The following DNAJC18 variants were observed in gnomAD, a reference collection of about 807,000 sequenced individuals.
DNAJC18 encodes dnaJ homolog subfamily C member 18.
A neutral mutation model predicts 48.6 loss-of-function variants in DNAJC18; 40 were observed. That is an observed-to-expected ratio of 0.82 (90% CI 0.64 to 1.07). DNAJC18 has a LOEUF of 1.07. Ranked by LOEUF, DNAJC18 falls within the 50% of genes least tolerant of loss-of-function variation. The pLI is 0.00. For missense variants in DNAJC18, 340 were observed against 427.7 expected (o/e 0.79, Z 1.81); for synonymous variants, 135 against 152.2 (o/e 0.89, Z 0.83).
At chr5:139,416,337 C>A (rs997243655) in intron 7 of DNAJC18, among the ~76,000 whole-genome samples, 1 of 152,144 alleles carries the variant, frequency 6.6e-6, no homozygotes, top group Non-Finnish European at 1.5e-5. Flanking sequence ...GAGCATTGAG[C>A]CTTAAAGATA....
intron 2 of DNAJC18, among the ~76,000 whole-genome samples, 184 bp from the exon 3 acceptor site, chr5:139,428,867 C>G (rs80333428): frequency 6.6e-6 from 1 of 152,034 alleles, no homozygotes; most frequent in Non-Finnish European, 1.5e-5. Context: ...GAACTTAATG[C>G]CTTTCAAAGT....
chr5:139,439,482 C>G lies in DNAJC18; in HGVS notation c.-37G>C, dbSNP rs370514481. The G allele has an allele frequency of 5.6e-6, 9 of 1,613,604 alleles. No individual in the cohort carries two copies. The East Asian group carries it at 8.9e-5, about 16-fold the overall frequency. ...ATCAGCAGGTCCGCCGAGCCTCCCC[C>G]GTGCCCGAGGCTGAAAGAGAAGGGG... On this transcript the variant is annotated 5_prime_UTR_variant, in exon 1 of 8. Coordinates refer to ENST00000302060, the MANE Select transcript of DNAJC18 (RefSeq NM_152686.4). The surrounding 1 kb of genome is among the most constrained non-coding windows in gnomAD (Gnocchi z 4.1).
At chr5:139,419,985 A>G (rs1759125965) in intron 7 of DNAJC18, 68 bp downstream of exon 7, 5 of 1,435,550 alleles carry the variant, frequency 3.5e-6, no homozygotes, top group Non-Finnish European at 4.6e-6. Context: ...AGGAGGGATC[A>G]GGAGGCTGGG....
chr5:139,430,445 T>A (rs756858609), intron 2 of DNAJC18, among the ~76,000 whole-genome samples: 1 of 152,226 alleles, frequency 6.6e-6, no homozygotes, highest in African/African-American at 2.4e-5. Flanking sequence ...GTACTTAACC[T>A]CTATAGCTTG....
At position 139,411,755 on chromosome 5, in the gene DNAJC18, A is replaced by G. The variant is rs575738406; in HGVS notation, c.*2393T>C. On this transcript the variant is annotated 3_prime_UTR_variant, in exon 8 of 8. Transcript: ENST00000302060. ...TTAGTTATTATTGCTTCTATTTAGT[A>G]TCATCACAGATTACTTATCGCTGCC... The G allele has an allele frequency of 1.3e-5, 2 of 152,312 alleles. No homozygotes were observed. Among genetic ancestry groups the G allele is most frequent in the South Asian group, 4.1e-4 (2 of 4,826 alleles). The allele number at this position is 152,312 out of a possible 1,614,324, so 9.4% of individuals were successfully genotyped here.
Position 139,412,749 on chromosome 5 carries a change from G to A in DNAJC18, c.*1399C>T, listed in dbSNP as rs1759011983. 2 of 398,674 alleles carry A rather than the reference G, an allele frequency of 5.0e-6. No individual in the cohort carries two copies. Among genetic ancestry groups the A allele is most frequent in the East Asian group, 3.6e-5 (1 of 28,080 alleles). The allele number at this position is 398,674 out of a possible 1,614,324, so 24.7% of individuals were successfully genotyped here. A position where few individuals can be genotyped will look rare whatever the true frequency, so the allele number is the denominator to read the frequency against. Reference sequence around the variant, plus strand: ...GTCACCAGTGGAGGGCTGCCTGCCTGTGAGGGACCTCTTATTTTGTGTACA... The same window carrying A: ...GTCACCAGTGGAGGGCTGCCTGCCTATGAGGGACCTCTTATTTTGTGTACA... On this transcript the variant is annotated 3_prime_UTR_variant, in exon 8 of 8. Transcript: ENST00000302060.
At chr5:139,424,955 G>T in intron 5 of DNAJC18, 50 bp downstream of exon 5, 1 of 1,480,206 alleles carries the variant, frequency 6.8e-7, no homozygotes, top group Non-Finnish European at 9.4e-7. Context: ...CATCAAGGTT[G>T]GCCAAGTACA....
chr5:139,430,104 C>T (rs1025341750), intron 2 of DNAJC18, among the ~76,000 whole-genome samples: 8 of 151,712 alleles, frequency 5.3e-5, no homozygotes, highest in Admixed American at 1.3e-4. Flanking sequence ...GTACAGGAAG[C>T]GAAAAAAAAT....
At chr5:139,429,228 G>A (rs752370690) in intron 2 of DNAJC18, among the ~76,000 whole-genome samples, 1 of 151,688 alleles carries the variant, frequency 6.6e-6, no homozygotes, top group Non-Finnish European at 1.5e-5. Flanking sequence ...AGATTACAGG[G>A]ATGCGCCACC....
At position 139,414,149 on chromosome 5, in the gene DNAJC18, C is replaced by T. The variant is rs779332643; in HGVS notation, c.1076G>A (p.Ter359=). ...SKLIGLRRGG[*] is the part of the protein sequence containing the mutation. ...GCCCTGCGTAGGACCATTATCCTCT[C>T]AGCCACCTCTGCGTAGGCCAATGAG... The change falls in exon 8 of 8, where the codon TGA becomes TAA. Residue 359 remains the stop codon, a stop_retained_variant. Transcript: ENST00000302060. 13 of 1,613,198 alleles carry T rather than the reference C, an allele frequency of 8.1e-6. No individual in the cohort carries two copies. In the South Asian group the frequency reaches 1.3e-4, roughly 16 times the overall value.
Position 139,412,793 on chromosome 5 carries a change from G to T in DNAJC18, c.*1355C>A, listed in dbSNP as rs557178996. On this transcript the variant is annotated 3_prime_UTR_variant, in exon 8 of 8. Coordinates refer to ENST00000302060, the MANE Select transcript of DNAJC18 (RefSeq NM_152686.4). ...GTGTACAGAATTTATGTTAGACAGG[G>T]TCCTGCTTCCTAAAGAGCAGCAGGG... 7.5e-6 allele frequency: 3 copies of T among 398,538 alleles called. No homozygotes were observed. Among genetic ancestry groups the T allele is most frequent in the Non-Finnish European group, 1.3e-5 (3 of 226,108 alleles). 24.7% of individuals were successfully genotyped at this position (398,538 alleles called of 1,614,324 possible).
intron 7 of DNAJC18, chr5:139,418,813 A>G (rs1413974954): frequency 4.4e-6 from 2 of 456,180 alleles, no homozygotes; most frequent in Admixed American, 4.7e-5. Flanking sequence ...CTTGTTCTGA[A>G]GCAAGGACTG....
rs1758989375 is a variant in DNAJC18, at chr5:139,411,243, C to G, written c.*2905G>C. The G allele has an allele frequency of 6.6e-6, 1 of 152,218 alleles. No individual in the cohort carries two copies. The highest frequency in any genetic ancestry group is 1.5e-5 in the Non-Finnish European group (1 of 68,038). The allele number at this position is 152,218 out of a possible 1,614,324, so 9.4% of individuals were successfully genotyped here. A position where few individuals can be genotyped will look rare whatever the true frequency, so the allele number is the denominator to read the frequency against. On this transcript the variant is annotated 3_prime_UTR_variant, in exon 8 of 8. Coordinates refer to ENST00000302060, the MANE Select transcript of DNAJC18 (RefSeq NM_152686.4). ...CTGGGGACGTGGGTTCCTTCAAGCT[C>G]TTTGTGATGAGAAGGATTTTCATCC...
intron 6 of DNAJC18, 23 bp downstream of exon 6, chr5:139,422,685 A>AGATTTAGAAATACCAGACTTAC (rs747502195): frequency 4.1e-5 from 63 of 1,540,250 alleles, no homozygotes; most frequent in Non-Finnish European, 5.5e-5. Context: ...TTACTGAGAA[A>AGATTTAGAAATACCAGACTTAC]GATTTAGAAA....
intron 4 of DNAJC18, 53 bp from the exon 5 acceptor site, chr5:139,425,167 T>C: frequency 2.0e-6 from 3 of 1,512,242 alleles, no homozygotes; most frequent in Non-Finnish European, 2.7e-6. Context: ...TCCCTGCCTT[T>C]TTCTTTTTTT....
intron 2 of DNAJC18, 142 bp from the exon 3 acceptor site, chr5:139,428,825 C>A: frequency 9.7e-7 from 1 of 1,027,034 alleles, no homozygotes; most frequent in Non-Finnish European, 1.4e-6. Context: ...ATGAAACATT[C>A]AAATTCATTA....
chr5:139,423,948 A>G (rs902824880), intron 5 of DNAJC18, among the ~76,000 whole-genome samples: 1 of 152,144 alleles, frequency 6.6e-6, no homozygotes, highest in African/African-American at 2.4e-5. Context: ...TCTCTAGGTA[A>G]ACCTGCCCAG....
At chr5:139,417,243 A>G (rs1409221268) in intron 7 of DNAJC18, among the ~76,000 whole-genome samples, 3 of 152,176 alleles carry the variant, frequency 2.0e-5, no homozygotes, top group Non-Finnish European at 2.9e-5. Flanking sequence ...GGAAGAGCAG[A>G]GAAAAATAAA....
Position 139,423,210 on chromosome 5 carries a change from C to T in DNAJC18, c.670-393G>A, listed in dbSNP as rs112252645. Among the ~76,000 whole-genome samples, 1,210 of 152,222 alleles carry T rather than the reference C, an allele frequency of 7.9e-3. 12 individuals are homozygous for T. Among genetic ancestry groups the T allele is most frequent in the Non-Finnish European group, 0.013 (892 of 68,012 alleles). On this transcript the variant is annotated intron_variant, in intron 5 of 7. Transcript: ENST00000302060. ...AAGAAAATAACAAATTATCAATGCA[C>T]TGCATAGGAGGATCCACAAAGCCCC...
Sources: gnomAD v4.1 joint callset for allele counts (sites outside exome capture counted in the v4.1 genomes callset) on GRCh38, gnomAD v4.1.1 for gene constraint, Gnocchi (gnomAD v3.1) non-coding constraint, MANE v1.5 for transcripts, NCBI Gene and HGNC (gene_info 2026-07-23, HGNC 2026-07-21) for gene names.